DIPK2B: variants seen among roughly 807,000 people sequenced by gnomAD.
DIPK2B encodes the protein divergent protein kinase domain 2B.
A neutral mutation model predicts 22.2 loss-of-function variants in DIPK2B; 15 were observed. The observed-to-expected ratio is 0.68, with a 90% confidence interval of 0.45 to 1.04. The LOEUF (loss-of-function observed/expected upper bound fraction) is 1.04, where lower values mean the gene tolerates loss of function less well. DIPK2B is among the 50% of genes least tolerant of loss of function. DIPK2B has a pLI of 0.00. For missense variants in DIPK2B, 345 were observed against 348.3 expected (o/e 0.99, Z 0.08); for synonymous variants, 163 against 153.2 (o/e 1.06, Z -0.47).
At chrX:45,170,288 A>G (rs2047073839) in intron 2 of DIPK2B, among the ~76,000 whole-genome samples, 2 of 109,519 alleles carry the variant, frequency 1.8e-5, no homozygotes, top group Admixed American at 1.9e-4. Flanking sequence ...GGGATCCGGA[A>G]AGAGGATGCC....
At chrX:45,162,217 A>T (rs889111136) in intron 2 of DIPK2B, 1 of 214,981 alleles carries the variant, frequency 4.7e-6, no homozygotes, top group Admixed American at 9.4e-5. Flanking sequence ...GCCCTATAGA[A>T]CCACCCCAGC....
intron 2 of DIPK2B, among the ~76,000 whole-genome samples, chrX:45,189,588 G>C (rs1304183887): frequency 9.4e-6 from 1 of 106,551 alleles, no homozygotes; most frequent in Non-Finnish European, 1.9e-5. Context: ...ACTCCAGCCG[G>C]GGTGACAAGA....
rs2046974985 is a variant in DIPK2B, at chrX:45,153,832, C to A, written c.961+78G>T. 4 of 932,900 alleles carry A rather than the reference C, an allele frequency of 4.3e-6. No individual in the cohort carries two copies. In the Admixed American group the frequency reaches 1.1e-4, roughly 25 times the overall value. The allele number at this position is 932,900 out of a possible 1,213,427, so 76.9% of individuals were successfully genotyped here. ...AGATGGGAAAGGCCCAATAGCATGA[C>A]CCCTGGCCACCCCTCCCTAGCTCCT... On this transcript the variant is annotated intron_variant, in intron 4 of 4. Transcript: ENST00000398000.
At chrX:45,179,770 T>C (rs1325239596) in intron 2 of DIPK2B, among the ~76,000 whole-genome samples, 6 of 111,341 alleles carry the variant, frequency 5.4e-5, no homozygotes, top group African/African-American at 2.0e-4. Flanking sequence ...AATACTAGAA[T>C]TCAAGGTTGG....
chrX:45,173,199 C>T (rs1007101460), intron 2 of DIPK2B, among the ~76,000 whole-genome samples: 1 of 112,200 alleles, frequency 8.9e-6, no homozygotes, highest in African/African-American at 3.2e-5. Flanking sequence ...AAAGCTGTCA[C>T]ATCACCTTTG....
chrX:45,189,185 G>A (rs2047198493), intron 2 of DIPK2B, among the ~76,000 whole-genome samples: 1 of 112,667 alleles, frequency 8.9e-6, no homozygotes. Context: ...GAGCCACTAT[G>A]TCCATCCCAC....
chrX:45,188,808 C>T lies in DIPK2B; in HGVS notation c.498+2943G>A, dbSNP rs1031298635. On this transcript the variant is annotated intron_variant, in intron 2 of 4. Coordinates refer to ENST00000398000, the MANE Select transcript of DIPK2B (RefSeq NM_176819.4). ...CTCTGTCTCTATGGATTTGCCTATT[C>T]TGGACATTGCCTATAAATTGAATCA... 8.9e-5 allele frequency among the ~76,000 whole-genome samples: 10 copies of T among 111,748 alleles called. No homozygotes were observed. In the South Asian group the frequency reaches 2.6e-3, roughly 29 times the overall value.
chrX:45,189,708 G>A, intron 2 of DIPK2B, among the ~76,000 whole-genome samples: 1 of 111,856 alleles, frequency 8.9e-6, no homozygotes, highest in East Asian at 2.8e-4. Context: ...TGGGCCCGCT[G>A]TGGAATCCTA....
intron 2 of DIPK2B, among the ~76,000 whole-genome samples, chrX:45,164,738 A>G (rs914599748): frequency 3.6e-5 from 4 of 111,657 alleles, no homozygotes; most frequent in African/African-American, 6.5e-5. Flanking sequence ...CTTTCTGCAC[A>G]TGTACCCCAG....
At chrX:45,174,150 G>A (rs1374876613) in intron 2 of DIPK2B, among the ~76,000 whole-genome samples, 4 of 111,606 alleles carry the variant, frequency 3.6e-5, no homozygotes, top group African/African-American at 1.3e-4. Flanking sequence ...AGGCTCAATG[G>A]TCCTTCGGGA....
intron 2 of DIPK2B, among the ~76,000 whole-genome samples, chrX:45,174,046 G>C (rs1183852568): frequency 2.7e-5 from 3 of 111,351 alleles, no homozygotes; most frequent in Non-Finnish European, 5.7e-5. Context: ...GTGTGAGAAA[G>C]TAGCCACAGA....
chrX:45,173,132 T>A (rs1351967203), intron 2 of DIPK2B, among the ~76,000 whole-genome samples: 1 of 112,049 alleles, frequency 8.9e-6, no homozygotes, highest in East Asian at 2.8e-4. Context: ...GGGTTTTGAC[T>A]TTATACAGTC....
At chrX:45,175,679 A>G (rs1466035161) in intron 2 of DIPK2B, among the ~76,000 whole-genome samples, 1 of 101,632 alleles carries the variant, frequency 9.8e-6, no homozygotes, top group Non-Finnish European at 2.0e-5. Context: ...ACTCATTGTA[A>G]AAATGTATAA....
intron 2 of DIPK2B, chrX:45,162,654 T>C: frequency 1.3e-6 from 1 of 754,713 alleles, no homozygotes; most frequent in Non-Finnish European, 1.6e-6. Flanking sequence ...TTGGAGTTTC[T>C]AAATCACTTC....
intron 1 of DIPK2B, among the ~76,000 whole-genome samples, chrX:45,197,669 T>C (rs1304814838): frequency 8.9e-6 from 1 of 111,833 alleles, no homozygotes; most frequent in Non-Finnish European, 1.9e-5. Context: ...AAATGGTCAA[T>C]AAATCTGAAA....
intron 2 of DIPK2B, among the ~76,000 whole-genome samples, chrX:45,182,122 C>T (rs1230360454): frequency 9.2e-6 from 1 of 108,841 alleles, no homozygotes; most frequent in Non-Finnish European, 1.9e-5. Context: ...CAAGCCCCAG[C>T]CTGGATGAAG....
chrX:45,170,711 G>A (rs1603104181), intron 2 of DIPK2B, among the ~76,000 whole-genome samples: 1 of 112,496 alleles, frequency 8.9e-6, no homozygotes, highest in East Asian at 2.8e-4. Context: ...GTAAATGCCA[G>A]CCTGAGACAC....
In DIPK2B at chrX:45,150,872, A is replaced by G. The variant is rs2046957229; in HGVS notation, c.*780T>C. 9.0e-6 allele frequency: 1 copy of G among 111,219 alleles called. No individual in the cohort carries two copies. The highest frequency in any genetic ancestry group is 1.9e-5 in the Non-Finnish European group (1 of 52,956). 9.2% of individuals were successfully genotyped at this position (111,219 alleles called of 1,213,427 possible). A position where few individuals can be genotyped will look rare whatever the true frequency, so the allele number is the denominator to read the frequency against. On this transcript the variant is annotated 3_prime_UTR_variant, in exon 5 of 5. Coordinates refer to ENST00000398000, the MANE Select transcript of DIPK2B (RefSeq NM_176819.4). ...GCTCCCTCCTTCTTTCCTTACACAC[A>G]ATCATTTCCCCTAACAAATCTTTGT...
At chrX:45,162,265 G>A in intron 2 of DIPK2B, 1 of 480,593 alleles carries the variant, frequency 2.1e-6, no homozygotes, top group Non-Finnish European at 2.6e-6. Flanking sequence ...TTCCCACCAA[G>A]CCCTGCTCAA....
Sources: allele counts gnomAD v4.1 joint callset (sites outside exome capture counted in the v4.1 genomes callset), GRCh38; gene constraint gnomAD v4.1.1; transcripts MANE v1.5; gene names NCBI Gene and HGNC (gene_info 2026-07-23, HGNC 2026-07-21).